PTPRT: variants seen among roughly 807,000 people sequenced by gnomAD.
PTPRT encodes the protein protein tyrosine phosphatase receptor type T.
In PTPRT, 56 loss-of-function variants were observed where a neutral mutation model predicts 176.8. That is an observed-to-expected ratio of 0.32 (90% CI 0.26 to 0.40). The LOEUF is 0.40. PTPRT is among the 10% of genes least tolerant of loss of function. The pLI is 1.00. For missense variants in PTPRT, 1,540 were observed against 1,908.2 expected (o/e 0.81, Z 3.60); for synonymous variants, 783 against 739.0 (o/e 1.06, Z -0.96).
At chr20:42,320,800 T>G (rs1258190999) in intron 11 of PTPRT, among the ~76,000 whole-genome samples, 1 of 152,152 alleles carries the variant, frequency 6.6e-6, no homozygotes, top group African/African-American at 2.4e-5. Context: ...GAACCTCCAG[T>G]GCTGGTCAGT....
intron 2 of PTPRT, among the ~76,000 whole-genome samples, chr20:42,862,372 A>C (rs1360490756): frequency 6.6e-6 from 1 of 152,164 alleles, no homozygotes; most frequent in African/African-American, 2.4e-5. Flanking sequence ...TGGCAGAAGA[A>C]CTGCAAAATA....
intron 6 of PTPRT, among the ~76,000 whole-genome samples, chr20:42,731,274 C>A (rs966439293): frequency 6.6e-6 from 1 of 152,184 alleles, no homozygotes; most frequent in African/African-American, 2.4e-5. Context: ...TTTGAGTCTT[C>A]GCTGGGGCTG....
intron 9 of PTPRT, among the ~76,000 whole-genome samples, chr20:42,355,454 G>A (rs2058346112): frequency 1.3e-5 from 2 of 152,234 alleles, no homozygotes; most frequent in Admixed American, 1.3e-4. Context: ...TATCTCAGGA[G>A]AGAGTGCAAC....
chr20:42,243,381 A>G (rs2056393029), intron 14 of PTPRT, among the ~76,000 whole-genome samples: 1 of 152,190 alleles, frequency 6.6e-6, no homozygotes, highest in South Asian at 2.1e-4. Context: ...TGATAAATAC[A>G]CAAATGAAGA....
At chr20:42,209,765 GA>G (rs1160604789) in intron 15 of PTPRT, among the ~76,000 whole-genome samples, 43 of 152,208 alleles carry the variant, frequency 2.8e-4, no homozygotes, top group Middle Eastern at 3.4e-3. Context: ...CCAATCAATA[GA>G]AAAAGAGGGA....
intron 7 of PTPRT, among the ~76,000 whole-genome samples, chr20:42,475,886 C>T (rs1018974890): frequency 3.3e-5 from 5 of 152,192 alleles, no homozygotes; most frequent in African/African-American, 9.6e-5. Context: ...TCTTTGAGAC[C>T]GGGAAAGTTG....
chr20:42,878,385 T>C (rs925374320), intron 2 of PTPRT, among the ~76,000 whole-genome samples: 1 of 152,270 alleles, frequency 6.6e-6, no homozygotes, highest in Non-Finnish European at 1.5e-5. Flanking sequence ...TCATTCTTTA[T>C]AGCTATCTCT....
chr20:42,059,989 T>C, the PTPRT span, among the ~76,000 whole-genome samples: 138 of 152,302 alleles, frequency 9.1e-4, 1 homozygote, highest in African/African-American at 2.9e-3. Context: ...TTAATTCTAA[T>C]AGTCAAATAA....
intron 1 of PTPRT, among the ~76,000 whole-genome samples, chr20:43,076,027 A>C (rs1484848332): frequency 6.6e-6 from 1 of 152,196 alleles, no homozygotes; most frequent in Non-Finnish European, 1.5e-5. Context: ...CTAAACATGC[A>C]TGTCTGTCAA....
chr20:42,332,147 G>A (rs2057973980), intron 11 of PTPRT, among the ~76,000 whole-genome samples: 1 of 151,998 alleles, frequency 6.6e-6, no homozygotes, highest in Non-Finnish European at 1.5e-5. Context: ...TGATACAATG[G>A]GCAGTATACA....
intron 7 of PTPRT, among the ~76,000 whole-genome samples, chr20:42,623,137 C>G (rs984200473): frequency 6.6e-6 from 1 of 152,254 alleles, no homozygotes; most frequent in African/African-American, 2.4e-5. Flanking sequence ...CACATTCACT[C>G]TTTAAGTCCA....
rs376514698 is a variant in PTPRT at position 42,795,476 on chromosome 20, T to C, written c.215-4010A>G. Among the ~76,000 whole-genome samples the C allele has an allele frequency of 2.6e-5, 4 of 152,340 alleles. No homozygotes were observed. In the East Asian group the frequency reaches 7.7e-4, roughly 29 times the overall value. ...GGATTGCATTTCCTCACGTCGGCAG[T>C]AAAAAGAAAGTCCTAATTGAGTTTT... On this transcript the variant is annotated intron_variant, in intron 2 of 30. Coordinates refer to ENST00000373187, the MANE Select transcript of PTPRT (RefSeq NM_007050.6).
intron 2 of PTPRT, among the ~76,000 whole-genome samples, chr20:42,835,049 A>C (rs1342295072): frequency 6.6e-6 from 1 of 152,196 alleles, no homozygotes. Flanking sequence ...CCCCACACAA[A>C]AAAAGAACTC....
At chr20:42,159,496 GT>G (rs1292198051) in intron 17 of PTPRT, among the ~76,000 whole-genome samples, 1 of 151,666 alleles carries the variant, frequency 6.6e-6, no homozygotes, top group African/African-American at 2.4e-5. Context: ...CAACAAGCAG[GT>G]CTGCATACAC....
chr20:42,519,834 T>C (rs2072138933), intron 7 of PTPRT, among the ~76,000 whole-genome samples: 1 of 152,156 alleles, frequency 6.6e-6, no homozygotes, highest in African/African-American at 2.4e-5. Context: ...GGTTTACAAA[T>C]TACTGAGATG....
rs2072579842 is a variant in PTPRT at position 42,541,532 on chromosome 20, CT to C, written c.1154-68971del. 4.5e-3 allele frequency among the ~76,000 whole-genome samples: 4 copies of C among 884 alleles called. No homozygotes were observed. The South Asian group carries it at 0.15, about 34-fold the overall frequency. The allele number at this position is 884 out of a possible 152,430, so 0.6% of individuals were successfully genotyped here. ...CTAGTAAATAGTAAATAAGTATTTA[CT>C]AGTAAATACTAATACTAGTAAATAA... On this transcript the variant is annotated intron_variant, in intron 7 of 30. Transcript: ENST00000373187.
chr20:42,634,437 G>T (rs1308752671), intron 7 of PTPRT, among the ~76,000 whole-genome samples: 2 of 151,584 alleles, frequency 1.3e-5, no homozygotes, highest in East Asian at 3.9e-4. Context: ...AATGTTTGAA[G>T]AAGAGCTTCC....
At chr20:42,408,317 A>G (rs2145727121) in intron 9 of PTPRT, among the ~76,000 whole-genome samples, 1 of 152,270 alleles carries the variant, frequency 6.6e-6, no homozygotes, top group South Asian at 2.1e-4. Flanking sequence ...AAATACCAGA[A>G]GAGATTCAAT....
intron 7 of PTPRT, among the ~76,000 whole-genome samples, chr20:42,511,407 G>A (rs946816039): frequency 2.0e-5 from 3 of 152,086 alleles, no homozygotes; most frequent in East Asian, 1.9e-4. Flanking sequence ...CACTCAAGGG[G>A]AAGAGAAACT....
Sources: gnomAD v4.1 joint callset for allele counts (sites outside exome capture counted in the v4.1 genomes callset) on GRCh38, gnomAD v4.1.1 for gene constraint, MANE v1.5 for transcripts, NCBI Gene and HGNC (gene_info 2026-07-23, HGNC 2026-07-21) for gene names.